PRKCH: variants seen among roughly 807,000 people sequenced by gnomAD.
PRKCH encodes protein kinase C eta type.
In PRKCH, 28 loss-of-function variants were observed where a neutral mutation model predicts 82.5. The observed-to-expected ratio is 0.34, with a 90% CI of 0.25 to 0.47. The LOEUF (loss-of-function observed/expected upper bound fraction) is 0.47, where lower values mean the gene tolerates loss of function less well. Among genes scored for constraint, PRKCH ranks in the 20% least tolerant of loss-of-function variants. PRKCH has a pLI of 1.00. For missense variants in PRKCH, 705 were observed against 881.8 expected (o/e 0.80, Z 2.54); for synonymous variants, 322 against 327.4 (o/e 0.98, Z 0.18).
At chr14:61,310,111 G>C (rs991954460) in intron 1 of PRKCH, among the ~76,000 whole-genome samples, 6 of 152,002 alleles carry the variant, frequency 3.9e-5, no homozygotes, top group Admixed American at 1.3e-4. Context: ...ATTCGGGTGG[G>C]GCACAGAGCC....
intron 2 of PRKCH, among the ~76,000 whole-genome samples, chr14:61,417,304 G>A (rs1951966): frequency 0.2 from 30,196 of 152,032 alleles, 3,369 homozygotes; most frequent in Admixed American, 0.34. Flanking sequence ...TCTTTTTGGC[G>A]GTCTTTTTTG....
rs148162247 is a variant in PRKCH at position 61,530,702 on chromosome 14, C to T, written c.1761+107C>T. ...CCCACCAGTAAACCACTAGCTCTAA[C>T]TAAAATTTGTATTGTTCTAATCTAA... On this transcript the variant is annotated intron_variant, in intron 12 of 13. Transcript: ENST00000332981. 7.6e-6 allele frequency: 8 copies of T among 1,052,080 alleles called. No homozygotes were observed. The East Asian group carries it at 2.1e-4, about 28-fold the overall frequency. The allele number at this position is 1,052,080 out of a possible 1,614,324, so 65.2% of individuals were successfully genotyped here. A position where few individuals can be genotyped will look rare whatever the true frequency, so the allele number is the denominator to read the frequency against.
chr14:61,547,585 A>G (rs1328176326), intron 12 of PRKCH, among the ~76,000 whole-genome samples, 158 bp from the exon 13 acceptor site: 2 of 152,252 alleles, frequency 1.3e-5, no homozygotes, highest in Admixed American at 1.3e-4. Flanking sequence ...GGCATGATTC[A>G]TACTGACTGT....
intron 1 of PRKCH, among the ~76,000 whole-genome samples, chr14:61,192,274 T>C (rs570421213): frequency 2.6e-5 from 4 of 152,362 alleles, no homozygotes; most frequent in Non-Finnish European, 5.9e-5. Context: ...AATTTTCCTA[T>C]GTGAAAAGCC....
In PRKCH at chr14:61,266,898, AAC is replaced by A. The variant is rs1341101991; in HGVS notation, c.-19+79234_-19+79235del. On this transcript the variant is annotated intron_variant, in intron 1 of 3. Transcript: ENST00000555185. ...TGGGGATGGGTGATGGGAAACAAGA[AAC>A]ACAGTTTTTGAAGGAAAAGCAAAAA... Among the ~76,000 whole-genome samples the A allele has an allele frequency of 3.9e-5, 6 of 152,148 alleles. No individual in the cohort carries two copies. In the East Asian group the frequency reaches 1.2e-3, roughly 29 times the overall value.
chr14:61,513,199 G>A (rs1034579709), intron 10 of PRKCH, among the ~76,000 whole-genome samples: 1 of 152,136 alleles, frequency 6.6e-6, no homozygotes, highest in Non-Finnish European at 1.5e-5. Context: ...TACACTCAAG[G>A]GGTGTATGAA....
chr14:61,489,810 G>A (rs1004582516), intron 10 of PRKCH, among the ~76,000 whole-genome samples: 1 of 152,188 alleles, frequency 6.6e-6, no homozygotes, highest in Admixed American at 6.5e-5. Flanking sequence ...AAACAAAGGG[G>A]CATGCATCCC....
rs760236853 is a variant in PRKCH, at chr14:61,453,249, C to T, written c.856C>T (p.Arg286Ter). 1.2e-6 allele frequency: 2 copies of T among 1,614,108 alleles called. No individual in the cohort carries two copies. The highest frequency in any genetic ancestry group is 1.7e-6 in the Non-Finnish European group (2 of 1,180,002). The change falls in exon 7 of 14, where the codon CGA becomes TGA. Residue 286 changes from arginine to a stop codon, truncating the protein, a stop_gained. Transcript: ENST00000332981. LOFTEE classifies it high-confidence loss of function. ...AGTATGTAAAATGAATGTGCATATT[C>T]GATGTCAAGCGAACGTGGCCCCTAA... ...CKICKMNVHI[R>*]CQANVAPNCG...
chr14:61,429,975 CCTT>C (rs910669216), intron 2 of PRKCH, among the ~76,000 whole-genome samples: 28 of 152,042 alleles, frequency 1.8e-4, no homozygotes, highest in Non-Finnish European at 5.9e-5. Context: ...CTTTCTGAAA[CCTT>C]CTTTACCTTC....
intron 10 of PRKCH, among the ~76,000 whole-genome samples, chr14:61,518,188 C>T (rs141063483): frequency 2.6e-3 from 390 of 152,268 alleles, no homozygotes; most frequent in African/African-American, 9.0e-3. Flanking sequence ...CACCAAAGGT[C>T]TGTTGTCTCC....
chr14:61,403,179 T>C (rs1412153595), intron 2 of PRKCH, among the ~76,000 whole-genome samples: 2 of 152,208 alleles, frequency 1.3e-5, no homozygotes, highest in Non-Finnish European at 2.9e-5. Flanking sequence ...TTGTTATTGT[T>C]TTTAATAAAT....
At chr14:61,373,750 G>A (rs1251778105) in intron 1 of PRKCH, among the ~76,000 whole-genome samples, 7 of 152,114 alleles carry the variant, frequency 4.6e-5, no homozygotes, top group Admixed American at 2.6e-4. Context: ...ACAGGCATGC[G>A]CCACCATGCC....
intron 10 of PRKCH, among the ~76,000 whole-genome samples, chr14:61,490,212 C>A (rs1429095738): frequency 6.6e-6 from 1 of 152,202 alleles, no homozygotes; most frequent in African/African-American, 2.4e-5. Flanking sequence ...ACAGAGGAAG[C>A]TTTTGCCCCA....
At position 61,453,240 on chromosome 14, in the gene PRKCH, G is replaced by A; in HGVS notation, c.847G>A (p.Val283Met). ...TTTCCCTCTAGTATGTAAAATGAAT[G>A]TGCATATTCGATGTCAAGCGAACGT... ...GLQCKICKMN[V>M]HIRCQANVAP... Residue 283 changes from valine (V) to methionine (M), a missense_variant, in exon 7 of 14, where the codon GTG becomes ATG. By Grantham distance (21) the Val-to-Met change is conservative. Around this residue, in one of 5 missense-constraint regions of PRKCH, gnomAD observed 238 missense variants for 258.1 expected, o/e 0.92. Coordinates refer to ENST00000332981, the MANE Select transcript of PRKCH (RefSeq NM_006255.5). The A allele has an allele frequency of 6.2e-7, 1 of 1,614,164 alleles. No homozygotes were observed. The highest frequency in any genetic ancestry group is 8.5e-7 in the Non-Finnish European group (1 of 1,180,016).
chr14:61,392,829 C>A (rs1241905100), intron 2 of PRKCH, among the ~76,000 whole-genome samples: 3 of 144,954 alleles, frequency 2.1e-5, no homozygotes, highest in South Asian at 2.1e-4. Flanking sequence ...AAGATATTCT[C>A]CTGTTTCTTT....
At chr14:61,474,665 C>T (rs754729791) in intron 9 of PRKCH, among the ~76,000 whole-genome samples, 1 of 152,114 alleles carries the variant, frequency 6.6e-6, no homozygotes, top group African/African-American at 2.4e-5. Context: ...TGTAACAAAC[C>T]TGCACGTTGT....
intron 12 of PRKCH, among the ~76,000 whole-genome samples, chr14:61,539,203 A>G (rs1196816991): frequency 6.6e-6 from 1 of 152,146 alleles, no homozygotes; most frequent in African/African-American, 2.4e-5. Context: ...GTTAATCAAC[A>G]TTGTCCCATG....
In PRKCH at chr14:61,308,921, G is replaced by A. The variant is rs1009248666; in HGVS notation, c.-19+121253G>A. 1.3e-5 allele frequency among the ~76,000 whole-genome samples: 2 copies of A among 151,878 alleles called. 1 individual carries two copies. The highest frequency in any genetic ancestry group is 4.9e-5 in the African/African-American group (2 of 41,180). On this transcript the variant is annotated intron_variant, in intron 1 of 3. Transcript: ENST00000555185. ...TGGGATTACAGGCATAAGACATCACGTCCAGCCTCCTGCATATTTAGAATC... is the reference window on the plus strand; with the variant it reads ...TGGGATTACAGGCATAAGACATCACATCCAGCCTCCTGCATATTTAGAATC...
chr14:61,548,585 C>T (rs894266607), intron 13 of PRKCH, among the ~76,000 whole-genome samples: 2 of 152,070 alleles, frequency 1.3e-5, no homozygotes, highest in African/African-American at 2.4e-5. Flanking sequence ...GGAGACCTGG[C>T]GTGGTGGCTC....
Sources: allele counts gnomAD v4.1 joint callset (sites outside exome capture counted in the v4.1 genomes callset), GRCh38; gene constraint gnomAD v4.1.1; regional missense constraint gnomAD v4.1.1; transcripts MANE v1.5; gene names NCBI Gene and HGNC (gene_info 2026-07-23, HGNC 2026-07-21).